The following DGKB variants were observed in gnomAD, a reference collection of about 807,000 sequenced individuals.
DGKB encodes the protein 90 kDa diacylglycerol kinase.
A neutral mutation model predicts 114.3 loss-of-function variants in DGKB; 67 were observed. The ratio of observed to expected loss-of-function variants is 0.59; its 90% CI spans 0.48 to 0.72. The LOEUF is 0.72. DGKB is among the 30% of genes least tolerant of loss of function. The probability of loss-of-function intolerance (pLI) is 0.00; values close to 1 mark genes in which losing one functional copy is unlikely to be tolerated. For missense variants in DGKB, 907 were observed against 975.2 expected (o/e 0.93, Z 0.93); for synonymous variants, 398 against 323.1 (o/e 1.23, Z -2.49).
chr7:14,750,794 T>TC (rs11451553), intron 4 of DGKB, among the ~76,000 whole-genome samples: 2 of 79,820 alleles, frequency 2.5e-5, no homozygotes, highest in African/African-American at 9.6e-5. Context: ...TTTCTATTTC[T>TC]TTTTTTTTTT....
intron 23 of DGKB, among the ~76,000 whole-genome samples, chr7:14,218,703 A>G (rs1789420895): frequency 6.6e-6 from 1 of 152,030 alleles, no homozygotes; most frequent in Non-Finnish European, 1.5e-5. Flanking sequence ...TTTGAGAAAG[A>G]AGCTGAACCA....
rs191028603 is a variant in DGKB, at chr7:14,684,350, C to A, written c.829+895G>T. Among the ~76,000 whole-genome samples the A allele has an allele frequency of 9.9e-5, 15 of 152,074 alleles. No individual in the cohort carries two copies. The East Asian group carries it at 2.7e-3, about 27-fold the overall frequency. On this transcript the variant is annotated intron_variant, in intron 10 of 25. Transcript: ENST00000402815. ...AAGAAATTAGATTTAATGAAATGCA[C>A]AACAATGGAATGTATCTAATGAACT...
intron 1 of DGKB, among the ~76,000 whole-genome samples, chr7:14,954,760 T>C (rs1786403033): frequency 6.6e-6 from 1 of 152,042 alleles, no homozygotes; most frequent in Admixed American, 6.6e-5. Context: ...ATAAAATATA[T>C]AAAATTGTAG....
chr7:14,443,886 CTTCT>C (rs904379913), intron 21 of DGKB, among the ~76,000 whole-genome samples: 18 of 151,788 alleles, frequency 1.2e-4, no homozygotes, highest in African/African-American at 4.1e-4. Context: ...GCTCTCTCAC[CTTCT>C]ATTTATCATT....
intron 23 of DGKB, among the ~76,000 whole-genome samples, chr7:14,206,035 A>G (rs1232795317): frequency 6.6e-6 from 1 of 152,002 alleles, no homozygotes; most frequent in African/African-American, 2.4e-5. Flanking sequence ...AATAATGCAC[A>G]TATTCAAAAT....
chr7:14,629,974 T>C (rs1342889681), intron 14 of DGKB, among the ~76,000 whole-genome samples: 1 of 152,100 alleles, frequency 6.6e-6, no homozygotes, highest in East Asian at 1.9e-4. Flanking sequence ...AAGTAACCTT[T>C]ATTTTTCTCT....
intron 20 of DGKB, among the ~76,000 whole-genome samples, chr7:14,505,487 C>T (rs1046221780): frequency 6.6e-6 from 1 of 151,606 alleles, no homozygotes; most frequent in Non-Finnish European, 1.5e-5. Flanking sequence ...AAAATAAATT[C>T]AAACTTACTT....
At chr7:14,741,431 T>C (rs1181306204) in intron 4 of DGKB, among the ~76,000 whole-genome samples, 9 of 152,158 alleles carry the variant, frequency 5.9e-5, no homozygotes, top group South Asian at 4.2e-4. Flanking sequence ...GAAAGAGGAG[T>C]ACCTTAGGAT....
intron 2 of DGKB, among the ~76,000 whole-genome samples, chr7:14,765,701 G>A (rs181561493): frequency 1.6e-4 from 24 of 151,916 alleles, no homozygotes; most frequent in African/African-American, 9.6e-5. Flanking sequence ...ACCTTTATAC[G>A]TATTTTATTG....
intron 2 of DGKB, among the ~76,000 whole-genome samples, chr7:14,801,862 G>GTA (rs1162112762): frequency 6.7e-6 from 1 of 149,182 alleles, no homozygotes; most frequent in Non-Finnish European, 1.5e-5. Context: ...ATATATACAT[G>GTA]TATATATATA....
chr7:14,788,954 C>T (rs1241829552), intron 2 of DGKB, among the ~76,000 whole-genome samples: 1 of 152,066 alleles, frequency 6.6e-6, no homozygotes, highest in African/African-American at 2.4e-5. Flanking sequence ...ACAGATAAAG[C>T]CCCCTCTGTG....
At chr7:14,406,059 C>T (rs1823884546) in intron 21 of DGKB, among the ~76,000 whole-genome samples, 1 of 151,962 alleles carries the variant, frequency 6.6e-6, no homozygotes, top group Non-Finnish European at 1.5e-5. Context: ...TTGGTATATT[C>T]AAGAGAAGTT....
intron 1 of DGKB, among the ~76,000 whole-genome samples, chr7:14,864,048 A>C (rs980445243): frequency 1.3e-5 from 2 of 151,600 alleles, no homozygotes; most frequent in African/African-American, 4.9e-5. Flanking sequence ...GCGATCAGCC[A>C]AGATCATGCC....
chr7:14,956,722 C>T (rs1786523962), intron 1 of DGKB, among the ~76,000 whole-genome samples: 2 of 151,824 alleles, frequency 1.3e-5, no homozygotes, highest in Admixed American at 6.6e-5. Context: ...TATACAGGCA[C>T]TTGAGGAGAA....
intron 6 of DGKB, among the ~76,000 whole-genome samples, chr7:14,704,932 G>A (rs1159532259): frequency 1.3e-5 from 2 of 152,150 alleles, no homozygotes; most frequent in African/African-American, 4.8e-5. Flanking sequence ...CCAAAGGAAC[G>A]CAGCTCCTCA....
chr7:14,901,605 A>ACCCCCCCCCCCCCCCCCCCTCCCCC (rs1300363624), intron 1 of DGKB, among the ~76,000 whole-genome samples: 8 of 123,096 alleles, frequency 6.5e-5, no homozygotes, highest in Non-Finnish European at 1.0e-4. Context: ...AGGGATTTCC[A>ACCCCCCCCCCCCCCCCCCCTCCCCC]CCCCCCCCCA....
At chr7:14,882,429 A>G (rs1423952998) in intron 1 of DGKB, among the ~76,000 whole-genome samples, 1 of 151,976 alleles carries the variant, frequency 6.6e-6, no homozygotes, top group Non-Finnish European at 1.5e-5. Flanking sequence ...TTAATGTTTG[A>G]ACTTCTACTT....
At chr7:14,311,398 G>A (rs1397200174) in intron 23 of DGKB, among the ~76,000 whole-genome samples, 4 of 151,936 alleles carry the variant, frequency 2.6e-5, no homozygotes, top group South Asian at 2.1e-4. Context: ...ATCAACTGTC[G>A]CTTCACCCAC....
intron 25 of DGKB, among the ~76,000 whole-genome samples, chr7:14,170,144 AAAAAGAAAGAAAGAAAGAAAG>A (rs1162860456): frequency 2.4e-5 from 3 of 122,814 alleles, no homozygotes; most frequent in African/African-American, 1.0e-4. Flanking sequence ...CAAAAAAAAA[AAAAAGAAAGAAAGAAAGAAAG>A]AAAGAAAGAA....
Sources: gnomAD v4.1 joint callset for allele counts (sites outside exome capture counted in the v4.1 genomes callset) on GRCh38, gnomAD v4.1.1 for gene constraint, MANE v1.5 for transcripts, NCBI Gene and HGNC (gene_info 2026-07-23, HGNC 2026-07-21) for gene names.